TPD52L1: variants seen among roughly 807,000 people sequenced by gnomAD.
The protein encoded by TPD52L1 is TPD52 like 1, also known as tumor protein D53.
A neutral mutation model predicts 28.7 loss-of-function variants in TPD52L1; 18 were observed. The observed-to-expected ratio is 0.63, with a 90% CI of 0.43 to 0.93. The LOEUF (loss-of-function observed/expected upper bound fraction) is 0.93, where lower values mean the gene tolerates loss of function less well. Among genes scored for constraint, TPD52L1 ranks in the 40% least tolerant of loss-of-function variants. The pLI is 0.00. For missense variants in TPD52L1, 203 were observed against 254.8 expected, an observed-to-expected ratio of 0.80 and a Z score of 1.39; for synonymous variants, 75 against 88.8, an observed-to-expected ratio of 0.84 and a Z score of 0.88.
chr6:125,171,435 T>C (rs1791291777), intron 1 of TPD52L1, among the ~76,000 whole-genome samples: 1 of 152,166 alleles, frequency 6.6e-6, no homozygotes, highest in Non-Finnish European at 1.5e-5. Flanking sequence ...CAACAGAATA[T>C]GACAAACTGA....
At position 125,229,062 on chromosome 6, in the gene TPD52L1, G is replaced by T. The variant is rs1175136591; in HGVS notation, c.136-56G>T. ...TTTGGAATACCCAGAGCTTCTGTAA[G>T]TATCCTTTTTTGCTGGTCTGACATT... On this transcript the variant is annotated intron_variant, in intron 2 of 6. Transcript: ENST00000534000. 6.3e-6 allele frequency: 10 copies of T among 1,575,822 alleles called. No homozygotes were observed. The Admixed American group carries it at 1.4e-4, about 23-fold the overall frequency.
intron 1 of TPD52L1, among the ~76,000 whole-genome samples, chr6:125,159,092 T>C (rs1790338342): frequency 6.6e-6 from 1 of 152,308 alleles, no homozygotes; most frequent in South Asian, 2.1e-4. Context: ...CTGTGGCAAT[T>C]TATTAAAGTA....
chr6:125,227,436 A>G (rs1392089549), intron 2 of TPD52L1, among the ~76,000 whole-genome samples: 1 of 152,212 alleles, frequency 6.6e-6, no homozygotes, highest in Non-Finnish European at 1.5e-5. Flanking sequence ...ACGCATTTGC[A>G]AGATGACTGA....
intron 1 of TPD52L1, among the ~76,000 whole-genome samples, chr6:125,189,801 A>G (rs578240736): frequency 1.6e-4 from 25 of 152,320 alleles, no homozygotes; most frequent in African/African-American, 5.3e-4. Context: ...TTTATTTTAC[A>G]TGAATATTTG....
intron 1 of TPD52L1, among the ~76,000 whole-genome samples, chr6:125,167,363 T>C (rs963366523): frequency 1.1e-4 from 16 of 152,158 alleles, no homozygotes; most frequent in Non-Finnish European, 7.3e-5. Context: ...TTACCCAATA[T>C]ATGAAGGGCA....
Position 125,263,050 on chromosome 6 carries a change from C to A in TPD52L1, c.*88C>A. Reference sequence around the variant, plus strand: ...TTATCCAGATAAGAAGACCAAAATCCCGCTGGGAAAAACCCAGGCCTTGAC... The same window carrying A: ...TTATCCAGATAAGAAGACCAAAATCACGCTGGGAAAAACCCAGGCCTTGAC... On this transcript the variant is annotated 3_prime_UTR_variant, in exon 7 of 7. Transcript: ENST00000534000. 5 of 1,437,212 alleles carry A rather than the reference C, an allele frequency of 3.5e-6. No individual in the cohort carries two copies. The highest frequency in any genetic ancestry group is 4.6e-6 in the Non-Finnish European group (5 of 1,092,946). 89.0% of individuals were successfully genotyped at this position (1,437,212 alleles called of 1,614,324 possible). A position where few individuals can be genotyped will look rare whatever the true frequency, so the allele number is the denominator to read the frequency against.
rs1554209656 is a variant in TPD52L1 at position 125,211,261 on chromosome 6, G to GTCTGTCTA, written c.20-8814_20-8813insGTCTATCT. On this transcript the variant is annotated intron_variant, in intron 1 of 6. Transcript: ENST00000534000. ...ATTTCATTTTTAGATATATGGATCT[G>GTCTGTCTA]TCTATCTATCTATCTATCTATCTAT... Among the ~76,000 whole-genome samples, 320 of 148,964 alleles carry GTCTGTCTA rather than the reference G, an allele frequency of 2.1e-3. 3 individuals are homozygous for GTCTGTCTA. Among genetic ancestry groups the GTCTGTCTA allele is most frequent in the African/African-American group, 7.3e-3 (294 of 40,494 alleles).
intron 1 of TPD52L1, among the ~76,000 whole-genome samples, chr6:125,173,662 G>T (rs947277237): frequency 6.6e-6 from 1 of 152,090 alleles, no homozygotes; most frequent in African/African-American, 2.4e-5. Context: ...ATATATATAT[G>T]CGTACATACA....
At chr6:125,206,232 C>T (rs949269989) in intron 1 of TPD52L1, among the ~76,000 whole-genome samples, 15 of 151,950 alleles carry the variant, frequency 9.9e-5, no homozygotes, top group Admixed American at 3.9e-4. Flanking sequence ...GTTTAGAGGA[C>T]GATGTCTGAA....
At chr6:125,256,202 T>A (rs374688131) in intron 5 of TPD52L1, among the ~76,000 whole-genome samples, 1 of 151,926 alleles carries the variant, frequency 6.6e-6, no homozygotes, top group Non-Finnish European at 1.5e-5. Flanking sequence ...TCAAAAAAAA[T>A]AGCTGGATGT....
At chr6:125,197,359 A>G (rs1035191752) in intron 1 of TPD52L1, among the ~76,000 whole-genome samples, 4 of 152,202 alleles carry the variant, frequency 2.6e-5, no homozygotes, top group Non-Finnish European at 4.4e-5. Context: ...TATCCACCAC[A>G]TATCTAGTTC....
intron 1 of TPD52L1, among the ~76,000 whole-genome samples, chr6:125,184,483 T>C (rs1010858495): frequency 6.6e-6 from 1 of 152,230 alleles, no homozygotes; most frequent in Non-Finnish European, 1.5e-5. Flanking sequence ...CCTTTTGGTC[T>C]GTGGCTCCAA....
chr6:125,154,499 G>A (rs557339), intron 1 of TPD52L1: 1 of 985,134 alleles, frequency 1.0e-6, no homozygotes, highest in Non-Finnish European at 1.2e-6. Flanking sequence ...CCAGGTGAAC[G>A]TTACCGGCCC....
intron 3 of TPD52L1, among the ~76,000 whole-genome samples, chr6:125,237,173 G>A (rs1054129013): frequency 3.3e-5 from 5 of 152,094 alleles, no homozygotes; most frequent in Admixed American, 1.3e-4. Context: ...GCTTTTCACC[G>A]TGAGTATTAT....
intron 3 of TPD52L1, among the ~76,000 whole-genome samples, chr6:125,235,928 G>A (rs1796239759): frequency 6.6e-6 from 1 of 152,124 alleles, no homozygotes; most frequent in African/African-American, 2.4e-5. Flanking sequence ...GTGTAAAAAT[G>A]TGGGGGGAAA....
intron 1 of TPD52L1, among the ~76,000 whole-genome samples, chr6:125,207,782 C>T (rs913380585): frequency 6.6e-6 from 1 of 152,202 alleles, no homozygotes; most frequent in South Asian, 2.1e-4. Flanking sequence ...TGCCATGAGT[C>T]TCTGATCTAG....
intron 2 of TPD52L1, among the ~76,000 whole-genome samples, chr6:125,223,945 T>A (rs1248041383): frequency 1.3e-5 from 2 of 152,148 alleles, no homozygotes; most frequent in Non-Finnish European, 2.9e-5. Flanking sequence ...AAGTAGAATA[T>A]GCTCTTTTTT....
rs558605378 is a variant in TPD52L1 at position 125,154,196 on chromosome 6, C to A, written c.19+226C>A. The A allele has an allele frequency of 6.6e-5, 89 of 1,354,554 alleles. No individual in the cohort carries two copies. The South Asian group carries it at 1.5e-3, about 23-fold the overall frequency. The allele number at this position is 1,354,554 out of a possible 1,614,324, so 83.9% of individuals were successfully genotyped here. A position where few individuals can be genotyped will look rare whatever the true frequency, so the allele number is the denominator to read the frequency against. On this transcript the variant is annotated intron_variant, in intron 1 of 6. Coordinates refer to ENST00000534000, the MANE Select transcript of TPD52L1 (RefSeq NM_003287.4). ...GACAGGGGATCCGTAAGTGGAGAGG[C>A]CCCTCCTCAGGAAATGCGCCCGTGG...
chr6:125,172,098 CCCTTTCTTTCTTTCTTT>C (rs1791359617), intron 1 of TPD52L1, among the ~76,000 whole-genome samples: 1 of 77,482 alleles, frequency 1.3e-5, no homozygotes, highest in South Asian at 4.2e-4. Context: ...TTCTTTCTTT[CCCTTTCTTTCTTTCTTT>C]CTTTCTTTCT....
Sources: gnomAD v4.1 joint callset for allele counts (sites outside exome capture counted in the v4.1 genomes callset) on GRCh38, gnomAD v4.1.1 for gene constraint, MANE v1.5 for transcripts, NCBI Gene and HGNC (gene_info 2026-07-23, HGNC 2026-07-21) for gene names.